RUFY2: variants seen among roughly 807,000 people sequenced by gnomAD.
The protein encoded by RUFY2 is RUN and FYVE domain-containing protein 2.
Under a neutral mutation model 94.4 loss-of-function variants are expected in RUFY2, and 49 were observed. The ratio of observed to expected loss-of-function variants is 0.52; its 90% confidence interval spans 0.41 to 0.66. RUFY2 has a LOEUF of 0.66. Among genes scored for constraint, RUFY2 ranks in the 30% least tolerant of loss-of-function variants. RUFY2 has a pLI of 0.00. For synonymous variants in RUFY2, 255 were observed against 235.7 expected, an observed-to-expected ratio of 1.08 and a Z score of -0.75; for missense variants, 541 against 692.8, an observed-to-expected ratio of 0.78 and a Z score of 2.46.
chr10:68,348,326 C>G (rs1173089727), intron 16 of RUFY2, among the ~76,000 whole-genome samples: 1 of 150,834 alleles, frequency 6.6e-6, no homozygotes, highest in African/African-American at 2.4e-5. Flanking sequence ...GGCAACATAG[C>G]AAGACCCCAT....
At chr10:68,362,782 G>GAA in intron 15 of RUFY2, among the ~76,000 whole-genome samples, 1 of 138,470 alleles carries the variant, frequency 7.2e-6, no homozygotes, top group African/African-American at 2.6e-5. Context: ...CCCTGTCTTT[G>GAA]AAAAAAAAAA....
At chr10:68,388,723 C>T (rs2049727602) in intron 7 of RUFY2, among the ~76,000 whole-genome samples, 2 of 151,248 alleles carry the variant, frequency 1.3e-5, no homozygotes, top group Admixed American at 1.3e-4. Flanking sequence ...GTGCTCCCAG[C>T]TACTTGGTAG....
rs78182550 is a variant in RUFY2, at chr10:68,394,262, C to T, written c.522+66G>A. On this transcript the variant is annotated intron_variant, in intron 5 of 17. Coordinates refer to ENST00000602465, the MANE Select transcript of RUFY2 (RefSeq NM_001330103.2). ...GTCCTGTTTACAACTTCAAATGACA[C>T]CTGATCAAGGAGGAACTGTGCAAAC... The T allele has an allele frequency of 4.0e-4, 646 of 1,607,054 alleles. 3 individuals carry two copies. The African/African-American group carries it at 6.7e-3, about 17-fold the overall frequency.
intron 15 of RUFY2, among the ~76,000 whole-genome samples, chr10:68,358,569 G>T (rs988773617): frequency 9.9e-5 from 15 of 152,192 alleles, no homozygotes; most frequent in African/African-American, 3.4e-4. Context: ...ATGCTATACA[G>T]AAAAACTGAA....
intron 13 of RUFY2, among the ~76,000 whole-genome samples, chr10:68,376,444 A>C (rs112230544): frequency 1.7e-4 from 1 of 5,946 alleles, no homozygotes; most frequent in South Asian, 3.8e-3. Flanking sequence ...AAATGTGTGT[A>C]TATATATATA....
downstream of RUFY2, chr10:68,341,332 A>G (rs1182340636): frequency 2.5e-6 from 4 of 1,586,688 alleles, no homozygotes; most frequent in African/African-American, 4.1e-5. Context: ...TTTGGCACAC[A>G]ATCTTATTTC....
intron 1 of RUFY2, among the ~76,000 whole-genome samples, chr10:68,406,566 C>A (rs1476584886): frequency 6.6e-6 from 1 of 152,174 alleles, no homozygotes; most frequent in Admixed American, 6.5e-5. Context: ...GCCCCGGCTG[C>A]GCTACAGGAC....
chr10:68,405,422 C>T, intron 1 of RUFY2: 2 of 951,048 alleles, frequency 2.1e-6, no homozygotes, highest in Non-Finnish European at 2.5e-6. Context: ...CTGCCATTCT[C>T]CTGTATTTAA....
At chr10:68,369,306 G>A (rs1339762980) in intron 13 of RUFY2, among the ~76,000 whole-genome samples, 2 of 151,972 alleles carry the variant, frequency 1.3e-5, no homozygotes, top group Non-Finnish European at 2.9e-5. Flanking sequence ...TCAACATGGT[G>A]AAACCTCATC....
At chr10:68,377,585 T>C (rs1333447780) in intron 12 of RUFY2, 1 of 985,308 alleles carries the variant, frequency 1.0e-6, no homozygotes, top group Non-Finnish European at 1.2e-6. Context: ...GTTGGCATCA[T>C]TTGCTAGAGA....
chr10:68,401,747 A>G lies in RUFY2; in HGVS notation c.179-10T>C. The stretch of plus-strand genomic sequence containing the variant: ...AAAAATGATTTTCTTACTGAAAAAA[A>G]GAACACATAATGCACACAATGTCAA... On this transcript the variant is annotated splice_polypyrimidine_tract_variant and intron_variant, in intron 2 of 17. Transcript: ENST00000602465. 5.4e-6 allele frequency: 8 copies of G among 1,479,224 alleles called. No individual in the cohort carries two copies. The highest frequency in any genetic ancestry group is 5.7e-6 in the Non-Finnish European group (6 of 1,056,924). The allele number at this position is 1,479,224 out of a possible 1,614,324, so 91.6% of individuals were successfully genotyped here.
chr10:68,385,941 G>A (rs2049462369), intron 8 of RUFY2, 118 bp downstream of exon 8: 1 of 547,820 alleles, frequency 1.8e-6, no homozygotes, highest in Non-Finnish European at 3.2e-6. Flanking sequence ...TACAAGTATT[G>A]CATCACAATG....
intron 16 of RUFY2, among the ~76,000 whole-genome samples, chr10:68,352,606 C>T (rs1379542970): frequency 6.6e-6 from 1 of 152,154 alleles, no homozygotes; most frequent in Non-Finnish European, 1.5e-5. Flanking sequence ...TATGAGAAAA[C>T]TCAAATGTTA....
chr10:68,367,144 G>A (rs1036320410), intron 13 of RUFY2, among the ~76,000 whole-genome samples: 2 of 151,302 alleles, frequency 1.3e-5, no homozygotes, highest in African/African-American at 4.9e-5. Flanking sequence ...TTCCAGCCTG[G>A]GTGACAAAAA....
chr10:68,397,798 T>C (rs2133143576), intron 3 of RUFY2, among the ~76,000 whole-genome samples: 1 of 151,562 alleles, frequency 6.6e-6, no homozygotes, highest in Non-Finnish European at 1.5e-5. Flanking sequence ...AAGAAATATT[T>C]AGTCTGAATG....
chr10:68,348,525 A>G (rs2046440547), intron 16 of RUFY2, among the ~76,000 whole-genome samples: 1 of 151,192 alleles, frequency 6.6e-6, no homozygotes, highest in Admixed American at 6.6e-5. Context: ...CTGAGGGGAA[A>G]AAAAAAAAAA....
intron 8 of RUFY2, among the ~76,000 whole-genome samples, chr10:68,384,403 T>C (rs969664073): frequency 2.0e-5 from 3 of 152,260 alleles, no homozygotes; most frequent in Admixed American, 2.0e-4. Context: ...ACATTAGGCT[T>C]ATTTGTTATG....
At chr10:68,373,061 T>C (rs1452359446) in intron 13 of RUFY2, among the ~76,000 whole-genome samples, 6 of 152,204 alleles carry the variant, frequency 3.9e-5, no homozygotes, top group African/African-American at 1.4e-4. Flanking sequence ...TTGTCTAACA[T>C]GATTCTCAAT....
intron 13 of RUFY2, among the ~76,000 whole-genome samples, chr10:68,367,439 G>C (rs1258259582): frequency 6.6e-6 from 1 of 151,922 alleles, no homozygotes; most frequent in Non-Finnish European, 1.5e-5. Flanking sequence ...TTTTCTGAAT[G>C]TTTTGGGGTT....
Sources: gnomAD v4.1 joint callset for allele counts (sites outside exome capture counted in the v4.1 genomes callset) on GRCh38, gnomAD v4.1.1 for gene constraint, MANE v1.5 for transcripts, NCBI Gene and HGNC (gene_info 2026-07-23, HGNC 2026-07-21) for gene names.